The following HMCN1 variants were observed in gnomAD, a reference collection of about 807,000 sequenced individuals.
HMCN1 encodes hemicentin 1.
Under a neutral mutation model 625.9 loss-of-function variants are expected in HMCN1, and 321 were observed. The observed-to-expected ratio is 0.51, with a 90% CI of 0.47 to 0.56. The LOEUF is 0.56. Ranked by LOEUF, HMCN1 falls within the 20% of genes least tolerant of loss-of-function variation. The pLI, the probability that HMCN1 is intolerant of heterozygous loss-of-function variation, is 0.00. For synonymous variants in HMCN1, 2,425 were observed against 2,417.6 expected, an observed-to-expected ratio of 1.00 and a Z score of -0.09; for missense variants, 6,588 against 6,887.3, an observed-to-expected ratio of 0.96 and a Z score of 1.54.
Position 185,970,459 on chromosome 1 carries a change from A to T in HMCN1, c.2337A>T (p.Gly779=). 1 of 1,613,984 alleles carries T rather than the reference A, an allele frequency of 6.2e-7. No homozygotes were observed. The highest frequency in any genetic ancestry group is 8.5e-7 in the Non-Finnish European group (1 of 1,179,856). Residue 779 remains glycine (G), a synonymous_variant, in exon 15 of 107, where the codon GGA becomes GGT. Coordinates refer to ENST00000271588, the MANE Select transcript of HMCN1 (RefSeq NM_031935.3). ...DYTCVAINEA[G]RATGKITLDV... ...CCTGTGTAGCCATCAATGAGGCTGGAAGAGCAACTGGCAAGATAACTCTGG... is the reference window on the plus strand; with the variant it reads ...CCTGTGTAGCCATCAATGAGGCTGGTAGAGCAACTGGCAAGATAACTCTGG...
At chr1:185,829,190 T>A (rs1558000403) in intron 1 of HMCN1, among the ~76,000 whole-genome samples, 1 of 152,036 alleles carries the variant, frequency 6.6e-6, no homozygotes, top group South Asian at 2.1e-4. Flanking sequence ...TTGAGAGAGA[T>A]GATTTTCTAA....
At chr1:185,785,695 G>A (rs1188468496) in intron 1 of HMCN1, among the ~76,000 whole-genome samples, 1 of 152,122 alleles carries the variant, frequency 6.6e-6, no homozygotes, top group East Asian at 1.9e-4. Flanking sequence ...TGTTTTGAAG[G>A]CCAAATAGGA....
chr1:185,869,154 GC>G (rs1164027493), intron 4 of HMCN1, among the ~76,000 whole-genome samples: 1 of 152,158 alleles, frequency 6.6e-6, no homozygotes, highest in African/African-American at 2.4e-5. Context: ...CCATCCTACT[GC>G]TAAACCTCTA....
intron 86 of HMCN1, among the ~76,000 whole-genome samples, chr1:186,134,815 A>G (rs886160207): frequency 6.6e-6 from 1 of 152,158 alleles, no homozygotes; most frequent in Non-Finnish European, 1.5e-5. Context: ...GTTCAATGTC[A>G]CTAAAACACT....
At chr1:186,108,628 T>G in intron 71 of HMCN1, 31 bp downstream of exon 71, 1 of 1,613,532 alleles carries the variant, frequency 6.2e-7, no homozygotes, top group Admixed American at 1.7e-5. Context: ...CACAAATTCC[T>G]TTTTGAGATG....
chr1:186,185,489 G>T (rs753870959), intron 105 of HMCN1, among the ~76,000 whole-genome samples: 1 of 152,176 alleles, frequency 6.6e-6, no homozygotes, highest in Non-Finnish European at 1.5e-5. Context: ...GAAAAAGTTT[G>T]TCCACATTGT....
intron 63 of HMCN1, among the ~76,000 whole-genome samples, chr1:186,089,695 A>G (rs758829846): frequency 4.6e-5 from 7 of 151,964 alleles, no homozygotes; most frequent in Non-Finnish European, 8.8e-5. Context: ...ATACTTTATT[A>G]TGTCTTAGAA....
At chr1:186,043,031 A>T (rs1168139455) in intron 40 of HMCN1, among the ~76,000 whole-genome samples, 1 of 152,162 alleles carries the variant, frequency 6.6e-6, no homozygotes, top group African/African-American at 2.4e-5. Flanking sequence ...AAACAAGAGA[A>T]TTGAGTTTTT....
intron 25 of HMCN1, among the ~76,000 whole-genome samples, chr1:185,998,271 T>A (rs1652941739): frequency 6.6e-6 from 1 of 152,146 alleles, no homozygotes; most frequent in African/African-American, 2.4e-5. Flanking sequence ...AGGTGGCTGG[T>A]ACCATTTGTG....
In HMCN1 at chr1:186,012,089, A is replaced by G. The variant is rs139645187; in HGVS notation, c.4631-3070A>G. ...TGTTTAACTATATGAGAGCAAACAA[A>G]ATACACCATTTAACACTACTGGTTC... On this transcript the variant is annotated intron_variant, in intron 30 of 106. Transcript: ENST00000271588. Among the ~76,000 whole-genome samples, 532 of 151,464 alleles carry G rather than the reference A, an allele frequency of 3.5e-3. 4 individuals carry two copies. Among genetic ancestry groups the G allele is most frequent in the African/African-American group, 0.012 (504 of 41,466 alleles).
chr1:185,990,339 C>A lies in HMCN1; in HGVS notation c.3273C>A (p.Val1091=). The A allele has an allele frequency of 6.2e-7, 1 of 1,613,882 alleles. No individual in the cohort carries two copies. The highest frequency in any genetic ancestry group is 8.5e-7 in the Non-Finnish European group (1 of 1,179,768). Residue 1091 remains valine (V), a synonymous_variant, in exon 22 of 107, where the codon GTC becomes GTA. Transcript: ENST00000271588. ...AGGATAAGCCTGTTGAGATCTCCGT[C>A]CTTGCAGGGGAAGAGGTAACACTTC... is the stretch of plus-strand genomic sequence containing the variant. The part of the protein sequence containing the change: ...LSQDKPVEIS[V]LAGEEVTLPC...
At chr1:186,150,140 A>T (rs1650577703) in intron 93 of HMCN1, among the ~76,000 whole-genome samples, 1 of 152,078 alleles carries the variant, frequency 6.6e-6, no homozygotes, top group Non-Finnish European at 1.5e-5. Context: ...TTGTAAAAAA[A>T]ACGCAGTGTC....
At chr1:185,760,633 C>A (rs1272029602) in intron 1 of HMCN1, among the ~76,000 whole-genome samples, 1 of 152,032 alleles carries the variant, frequency 6.6e-6, no homozygotes, top group Admixed American at 6.5e-5. Flanking sequence ...CCTTATAGGG[C>A]ATACAGTGTG....
At chr1:186,009,365 T>C (rs955651093) in intron 30 of HMCN1, among the ~76,000 whole-genome samples, 11 of 152,222 alleles carry the variant, frequency 7.2e-5, no homozygotes, top group African/African-American at 2.4e-4. Context: ...CATTGTCATG[T>C]AGCAAAGTTT....
At chr1:186,006,402 G>A (rs1211666014) in intron 29 of HMCN1, among the ~76,000 whole-genome samples, 1 of 151,950 alleles carries the variant, frequency 6.6e-6, no homozygotes, top group Non-Finnish European at 1.5e-5. Context: ...GACTTTAAAG[G>A]TATGAGTCTT....
At chr1:185,887,238 T>A (rs550110276) in intron 4 of HMCN1, among the ~76,000 whole-genome samples, 1 of 152,288 alleles carries the variant, frequency 6.6e-6, no homozygotes, top group Admixed American at 6.5e-5. Flanking sequence ...CATTTTCTCA[T>A]CCATACTAAG....
At chr1:186,000,367 G>C in intron 26 of HMCN1, 128 bp downstream of exon 26, 1 of 710,216 alleles carries the variant, frequency 1.4e-6, no homozygotes, top group East Asian at 2.7e-5. Flanking sequence ...CAGAAATCTG[G>C]TGGTATGATT....
Position 186,074,784 on chromosome 1 carries a change from A to T in HMCN1, c.8183A>T (p.His2728Leu). Residue 2728 changes from histidine (H) to leucine (L), a missense_variant, in exon 53 of 107, where the codon CAC (histidine) becomes CTC (leucine). His to Leu is a moderately conservative substitution (Grantham distance 99, BLOSUM62 -3). Around this residue, in one of 3 missense-constraint regions of HMCN1, gnomAD observed 4,628 missense variants for 4,853.1 expected, o/e 0.95. Coordinates refer to ENST00000271588, the MANE Select transcript of HMCN1 (RefSeq NM_031935.3). ...CATGTTAATATTGCTGCGAATGGAC[A>T]CACACTTCAAATAAAGGAGGCTCAA... is the stretch of plus-strand genomic sequence containing the variant. Reference protein sequence around the residue: ...DDHVNIAANGHTLQIKEAQIS... With the variant: ...DDHVNIAANGLTLQIKEAQIS... The T allele has an allele frequency of 2.5e-6, 4 of 1,613,028 alleles. No individual in the cohort carries two copies. Among genetic ancestry groups the T allele is most frequent in the Non-Finnish European group, 2.5e-6 (3 of 1,179,316 alleles).
rs1655952073 is a variant in HMCN1 at position 186,038,055 on chromosome 1, C to G, written c.5851+20C>G. 7.0e-7 allele frequency: 1 copy of G among 1,436,442 alleles called. No homozygotes were observed. Among genetic ancestry groups the G allele is most frequent in the African/African-American group, 1.4e-5 (1 of 71,582 alleles). 89.0% of individuals were successfully genotyped at this position (1,436,442 alleles called of 1,614,324 possible). ...TGCCTGGTACATTTACTTTTGAACTCTGTAACTTAATATTTTAAGATTTCT... is the reference window on the plus strand; with the variant it reads ...TGCCTGGTACATTTACTTTTGAACTGTGTAACTTAATATTTTAAGATTTCT... On this transcript the variant is annotated intron_variant, in intron 37 of 106. Coordinates refer to ENST00000271588, the MANE Select transcript of HMCN1 (RefSeq NM_031935.3).
Sources: allele counts gnomAD v4.1 joint callset (sites outside exome capture counted in the v4.1 genomes callset), GRCh38; gene constraint gnomAD v4.1.1; regional missense constraint gnomAD v4.1.1; transcripts MANE v1.5; gene names NCBI Gene and HGNC (gene_info 2026-07-23, HGNC 2026-07-21).